HHAT: variants seen among roughly 807,000 people sequenced by gnomAD.
The protein encoded by HHAT is hedgehog acyltransferase.
In HHAT, 47 loss-of-function variants were observed where a neutral mutation model predicts 70.8. The observed-to-expected ratio is 0.66, with a 90% CI of 0.53 to 0.85. The LOEUF is 0.85. Ranked by LOEUF, HHAT falls within the 40% of genes least tolerant of loss-of-function variation. The pLI, the probability that HHAT is intolerant of heterozygous loss-of-function variation, is 0.00. For missense variants in HHAT, 609 were observed against 604.8 expected (o/e 1.01, Z -0.07); for synonymous variants, 228 against 247.6 (o/e 0.92, Z 0.74).
intron 11 of HHAT, among the ~76,000 whole-genome samples, chr1:210,641,593 T>C (rs1472294416): frequency 6.6e-6 from 1 of 152,212 alleles, no homozygotes; most frequent in African/African-American, 2.4e-5. Flanking sequence ...AAAATGCAAA[T>C]TTCCATTATG....
intron 7 of HHAT, among the ~76,000 whole-genome samples, chr1:210,428,846 C>A (rs114737689): frequency 6.6e-5 from 10 of 151,352 alleles, no homozygotes; most frequent in Non-Finnish European, 1.3e-4. Context: ...GGTGGTAGTG[C>A]GTGCCAGTAG....
intron 3 of HHAT, chr1:210,369,603 C>T (rs1317382556): frequency 6.6e-6 from 1 of 152,192 alleles, no homozygotes; most frequent in Non-Finnish European, 1.5e-5. Flanking sequence ...GGCCACGTGC[C>T]AGGGATGCTG....
chr1:210,540,880 G>A (rs1039144471), intron 9 of HHAT, among the ~76,000 whole-genome samples: 6 of 151,464 alleles, frequency 4.0e-5, no homozygotes, highest in African/African-American at 9.7e-5. Context: ...TCGCTCTGTT[G>A]CCCAGGCTGG....
intron 7 of HHAT, among the ~76,000 whole-genome samples, chr1:210,445,437 T>C (rs761534420): frequency 2.6e-5 from 4 of 152,232 alleles, no homozygotes; most frequent in Non-Finnish European, 5.9e-5. Flanking sequence ...ATTTCATTCT[T>C]TTAGAGTATA....
At chr1:210,524,678 G>C (rs1573025214) in intron 9 of HHAT, among the ~76,000 whole-genome samples, 3 of 152,244 alleles carry the variant, frequency 2.0e-5, no homozygotes, top group Admixed American at 2.0e-4. Flanking sequence ...ATTTTCAAAA[G>C]TCACTCTGAC....
chr1:210,520,594 T>C (rs1389565968), intron 9 of HHAT, among the ~76,000 whole-genome samples: 1 of 152,224 alleles, frequency 6.6e-6, no homozygotes, highest in Non-Finnish European at 1.5e-5. Context: ...TTTTTAAAGC[T>C]GATAACAACT....
At chr1:210,571,324 C>T (rs906596453) in intron 9 of HHAT, among the ~76,000 whole-genome samples, 8 of 152,128 alleles carry the variant, frequency 5.3e-5, no homozygotes, top group South Asian at 2.1e-4. Flanking sequence ...TACAGGCATG[C>T]GGGCGCTTGG....
chr1:210,622,799 C>T (rs1212090352), intron 10 of HHAT, among the ~76,000 whole-genome samples: 1 of 152,180 alleles, frequency 6.6e-6, no homozygotes, highest in Non-Finnish European at 1.5e-5. Context: ...TTCCCAGGGT[C>T]AGTGTAACTG....
chr1:210,397,609 G>A (rs1290082542), intron 4 of HHAT, among the ~76,000 whole-genome samples: 1 of 151,562 alleles, frequency 6.6e-6, no homozygotes, highest in Non-Finnish European at 1.5e-5. Flanking sequence ...GATGTCAGAA[G>A]CTTAATACTG....
intron 4 of HHAT, among the ~76,000 whole-genome samples, chr1:210,393,521 A>C (rs1572117791): frequency 6.6e-6 from 1 of 152,100 alleles, no homozygotes; most frequent in African/African-American, 2.4e-5. Flanking sequence ...CTATGGGAGA[A>C]GGTGTAGGTC....
intron 8 of HHAT, among the ~76,000 whole-genome samples, chr1:210,506,892 C>T (rs1332990051): frequency 6.6e-6 from 1 of 152,106 alleles, no homozygotes; most frequent in Admixed American, 6.6e-5. Context: ...AGTTTTTGGT[C>T]TGTTGTGGGA....
At chr1:210,404,303 G>GC (rs1204762180) in intron 5 of HHAT, among the ~76,000 whole-genome samples, 161 bp from the exon 6 acceptor site, 1 of 152,166 alleles carries the variant, frequency 6.6e-6, no homozygotes, top group African/African-American at 2.4e-5. Context: ...GTTCTCGACT[G>GC]CCTTTTATGG....
At chr1:210,574,095 G>A (rs1657054824) in intron 9 of HHAT, among the ~76,000 whole-genome samples, 1 of 152,232 alleles carries the variant, frequency 6.6e-6, no homozygotes, top group Non-Finnish European at 1.5e-5. Context: ...CAGGCCTGGT[G>A]AGGTAGCTCG....
In HHAT at chr1:210,464,648, A is replaced by T. The variant is rs1477472411; in HGVS notation, c.1000A>T (p.Met334Leu). The T allele has an allele frequency of 3.1e-6, 5 of 1,613,998 alleles. No individual in the cohort carries two copies. In the Admixed American group the frequency reaches 5.0e-5, roughly 16 times the overall value. Residue 334 changes from methionine (M) to leucine (L), a missense_variant, in exon 8 of 12, where the codon ATG becomes TTG. Physicochemically the swap from Met to Leu is conservative, Grantham distance 15. Coordinates refer to ENST00000261458, the MANE Select transcript of HHAT (RefSeq NM_018194.6). ...GAGCACCATGTTCAGTTTCACCGGG[A>T]TGTGGAGGTCAGGCGCTGGGATTGC... ...CVSTMFSFTG[M>L]WRYFDVGLHN...
chr1:210,468,915 T>G (rs965685791), intron 8 of HHAT, among the ~76,000 whole-genome samples: 3 of 152,156 alleles, frequency 2.0e-5, no homozygotes, highest in African/African-American at 7.2e-5. Context: ...ACTAGTTATG[T>G]GACTTTGGAC....
chr1:210,567,585 T>C (rs1216210270), intron 9 of HHAT, among the ~76,000 whole-genome samples: 1 of 152,262 alleles, frequency 6.6e-6, no homozygotes, highest in Non-Finnish European at 1.5e-5. Context: ...ATTGTTTATA[T>C]ACTGTCAGTA....
rs564187928 is a variant in HHAT at position 210,547,052 on chromosome 1, G to A, written c.1043+33864G>A. On this transcript the variant is annotated intron_variant, in intron 9 of 11. Transcript: ENST00000261458. ...ATAGAGAGAATTAACAGGTTAGGCC[G>A]GGCATGGTGGCTCACGCCTGTAATC... Among the ~76,000 whole-genome samples the A allele has an allele frequency of 8.5e-5, 13 of 152,272 alleles. No individual in the cohort carries two copies. The East Asian group carries it at 9.6e-4, about 11-fold the overall frequency.
chr1:210,417,787 A>C (rs769165412), intron 6 of HHAT, among the ~76,000 whole-genome samples: 2 of 152,138 alleles, frequency 1.3e-5, no homozygotes, highest in Non-Finnish European at 2.9e-5. Context: ...GAATTCAGGC[A>C]GGGTGGCACC....
At chr1:210,422,042 C>T (rs188959319) in intron 7 of HHAT, among the ~76,000 whole-genome samples, 68 of 152,124 alleles carry the variant, frequency 4.5e-4, no homozygotes, top group African/African-American at 1.6e-3. Context: ...TAAAAATATT[C>T]TCCACTTTCT....
Sources: gnomAD v4.1 joint callset for allele counts (sites outside exome capture counted in the v4.1 genomes callset) on GRCh38, gnomAD v4.1.1 for gene constraint, MANE v1.5 for transcripts, NCBI Gene and HGNC (gene_info 2026-07-23, HGNC 2026-07-21) for gene names.